The following TJP2 variants were observed in gnomAD, a reference collection of about 807,000 sequenced individuals.
TJP2 encodes the protein tight junction protein 2, also known as Friedreich ataxia region gene X104 (tight junction protein ZO-2).
In TJP2, 91 loss-of-function variants were observed where a neutral mutation model predicts 133.1. That is an observed-to-expected ratio of 0.68 (90% CI 0.58 to 0.81). The LOEUF (loss-of-function observed/expected upper bound fraction) is 0.81, where lower values mean the gene tolerates loss of function less well. Ranked by LOEUF, TJP2 falls within the 40% of genes least tolerant of loss-of-function variation. The pLI is 0.00. For missense variants in TJP2, 1,541 were observed against 1,565.6 expected (o/e 0.98, Z 0.26); for synonymous variants, 592 against 583.4 (o/e 1.01, Z -0.21).
At chr9:69,238,829 T>G (rs780682226) in intron 16 of TJP2, 40 bp downstream of exon 16, 2 of 1,487,402 alleles carry the variant, frequency 1.3e-6, no homozygotes, top group Non-Finnish European at 1.9e-6. Context: ...TCAGAAAGAA[T>G]TAGATTATGG....
chr9:69,215,598 C>A (rs1226097226), intron 2 of TJP2, among the ~76,000 whole-genome samples: 1 of 151,876 alleles, frequency 6.6e-6, no homozygotes, highest in Non-Finnish European at 1.5e-5. Flanking sequence ...GTTGTCCAGG[C>A]TGGTCTTGAG....
At chr9:69,239,752 C>T (rs551026086) in intron 16 of TJP2, among the ~76,000 whole-genome samples, 185 bp from the exon 17 acceptor site, 90 of 151,060 alleles carry the variant, frequency 6.0e-4, no homozygotes, top group African/African-American at 2.0e-3. Context: ...AGGCGGAGGT[C>T]GCAGTGAGCC....
intron 1 of TJP2, among the ~76,000 whole-genome samples, chr9:69,199,289 A>G (rs1194657627): frequency 6.6e-6 from 1 of 152,138 alleles, no homozygotes; most frequent in Non-Finnish European, 1.5e-5. Context: ...TAATCCCAGC[A>G]CTTTGGGAAG....
chr9:69,176,464 A>G (rs1224071034), intron 1 of TJP2, among the ~76,000 whole-genome samples: 1 of 152,148 alleles, frequency 6.6e-6, no homozygotes. Flanking sequence ...TGTTGTTCAC[A>G]CTCTGTTAAA....
chr9:69,164,754 T>C (rs1391115117), intron 2 of TJP2, among the ~76,000 whole-genome samples: 1 of 152,190 alleles, frequency 6.6e-6, no homozygotes, highest in Non-Finnish European at 1.5e-5. Context: ...ATTGTTTTAC[T>C]GGGTAGAGGC....
At chr9:69,138,473 A>G (rs1170864717) in intron 1 of TJP2, among the ~76,000 whole-genome samples, 1 of 151,940 alleles carries the variant, frequency 6.6e-6, no homozygotes, top group African/African-American at 2.4e-5. Flanking sequence ...ACTTTACAAA[A>G]AAAAAAAAAA....
rs1830954580 is a variant in TJP2, at chr9:69,246,733, C to A, written c.2610C>A (p.Ser870Arg). The A allele has an allele frequency of 6.2e-7, 1 of 1,613,974 alleles. No individual in the cohort carries two copies. Among genetic ancestry groups the A allele is most frequent in the Non-Finnish European group, 8.5e-7 (1 of 1,180,018 alleles). ...LNSANDSWFGSLKDTIQHQQG... is the reference protein window; with the variant it reads ...LNSANDSWFGRLKDTIQHQQG... ...CAGCCAATGATAGCTGGTTTGGCAG[C>A]TTAAAGGACACTATTCAGCATCAGC... Residue 870 changes from serine (S) to arginine (R), a missense_variant, in exon 18 of 23, where the codon AGC (serine) becomes AGA (arginine). Ser to Arg is a moderately radical substitution (Grantham distance 110). Transcript: ENST00000377245.
chr9:69,203,607 A>ATT (rs754221310), intron 1 of TJP2, among the ~76,000 whole-genome samples: 1,144 of 67,798 alleles, frequency 0.017, 118 homozygotes, highest in African/African-American at 0.066. Flanking sequence ...CCCAGCCTGG[A>ATT]TTTTTTTTTT....
At chr9:69,156,496 C>T (rs1823765391) in intron 2 of TJP2, among the ~76,000 whole-genome samples, 1 of 150,112 alleles carries the variant, frequency 6.7e-6, no homozygotes, top group African/African-American at 2.5e-5. Flanking sequence ...TTTAGGGAGA[C>T]ATAATACATC....
chr9:69,249,339 A>T, intron 19 of TJP2, 36 bp from the exon 20 acceptor site: 1 of 1,576,718 alleles, frequency 6.3e-7, no homozygotes, highest in Non-Finnish European at 8.6e-7. Flanking sequence ...CTCTGCTTGG[A>T]TGTTCTTGTT....
Position 69,174,441 on chromosome 9 carries a change from C to T in TJP2, c.60+9C>T. ...TGTCAGGTTGGCTCCGCGTAAGTGCCTCCTTGTGCCGCGCGGTTGGGAGGA... is the reference window on the plus strand; with the variant it reads ...TGTCAGGTTGGCTCCGCGTAAGTGCTTCCTTGTGCCGCGCGGTTGGGAGGA... On this transcript the variant is annotated intron_variant, in intron 1 of 22. Coordinates refer to ENST00000377245, the MANE Select transcript of TJP2 (RefSeq NM_004817.4). The T allele has an allele frequency of 2.6e-6, 4 of 1,550,636 alleles. No homozygotes were observed. Among genetic ancestry groups the T allele is most frequent in the South Asian group, 1.2e-5 (1 of 84,012 alleles).
In TJP2 at chr9:69,248,114, G is replaced by A; in HGVS notation, c.2770G>A (p.Asp924Asn). The change falls in exon 19 of 23, where the codon GAC (aspartate) becomes AAC (asparagine). Residue 924 changes from aspartate to asparagine, a missense_variant. By Grantham distance (23) the Asp-to-Asn change is conservative (BLOSUM62 1). Transcript: ENST00000377245. Reference sequence around the variant, plus strand: ...CAGCCGCCTCATCAGTGACTTTGAAGACACGGACGGTGAAGGAGGCGCCTA... The same window carrying A: ...CAGCCGCCTCATCAGTGACTTTGAAAACACGGACGGTGAAGGAGGCGCCTA... ...CDSRLISDFE[D>N]TDGEGGAYTD... The A allele has an allele frequency of 6.2e-7, 1 of 1,614,224 alleles. No individual in the cohort carries two copies. Among genetic ancestry groups the A allele is most frequent in the Non-Finnish European group, 8.5e-7 (1 of 1,180,044 alleles).
At chr9:69,192,660 C>T (rs765675163) in intron 1 of TJP2, among the ~76,000 whole-genome samples, 1 of 152,102 alleles carries the variant, frequency 6.6e-6, no homozygotes, top group African/African-American at 2.4e-5. Context: ...TGTGTACATC[C>T]GTTTCTCAGA....
chr9:69,193,289 C>T (rs374546876), intron 1 of TJP2, among the ~76,000 whole-genome samples: 5 of 151,754 alleles, frequency 3.3e-5, no homozygotes, highest in East Asian at 3.9e-4. Context: ...CGTAGGGAAC[C>T]GGCAGTCTCT....
At chr9:69,147,685 A>G (rs1823274579) in intron 1 of TJP2, among the ~76,000 whole-genome samples, 1 of 152,202 alleles carries the variant, frequency 6.6e-6, no homozygotes. Context: ...TAAGTACCCT[A>G]AATAGACCTA....
chr9:69,237,740 C>T (rs1830297225), intron 14 of TJP2, 138 bp from the exon 15 acceptor site: 1 of 703,914 alleles, frequency 1.4e-6, no homozygotes, highest in Non-Finnish European at 2.6e-6. Flanking sequence ...TTCTTCAGAA[C>T]AGAGCCAAGC....
At chr9:69,179,164 G>A (rs1366938793) in intron 1 of TJP2, among the ~76,000 whole-genome samples, 1 of 152,188 alleles carries the variant, frequency 6.6e-6, no homozygotes, top group Non-Finnish European at 1.5e-5. Flanking sequence ...CTAGTGATGT[G>A]TGTGTTCACA....
chr9:69,242,645 C>A (rs1830652471), intron 17 of TJP2, among the ~76,000 whole-genome samples: 1 of 152,286 alleles, frequency 6.6e-6, no homozygotes, highest in African/African-American at 2.4e-5. Flanking sequence ...CAGCAAGCTC[C>A]AATTTTCTAG....
At chr9:69,123,463 C>T (rs1436747172) in intron 1 of TJP2, among the ~76,000 whole-genome samples, 1 of 76,760 alleles carries the variant, frequency 1.3e-5, no homozygotes, top group Non-Finnish European at 3.0e-5. Context: ...CTCTGGGCTT[C>T]TGGATACTTT....
Sources: allele counts gnomAD v4.1 joint callset (sites outside exome capture counted in the v4.1 genomes callset), GRCh38; gene constraint gnomAD v4.1.1; transcripts MANE v1.5; gene names NCBI Gene and HGNC (gene_info 2026-07-23, HGNC 2026-07-21).